Variants in ZFHX3 observed in about 807,000 individuals in gnomAD.
ZFHX3 encodes zinc finger homeobox 3.
In ZFHX3, 42 loss-of-function variants were observed where a neutral mutation model predicts 279.1. That is an observed-to-expected ratio of 0.15 (90% confidence interval 0.12 to 0.19). The LOEUF (loss-of-function observed/expected upper bound fraction) is 0.19. Ranked by LOEUF, ZFHX3 falls within the 10% of genes least tolerant of loss-of-function variation. The probability of loss-of-function intolerance (pLI) is 1.00; values close to 1 mark genes in which losing one functional copy is unlikely to be tolerated. For synonymous variants in ZFHX3, 2,293 were observed against 1,957.8 expected (o/e 1.17, Z -4.52); for missense variants, 4,981 against 4,754.0 (o/e 1.05, Z -1.40).
At chr16:73,249,949 C>G (rs947341075) in intron 5 of ZFHX3, among the ~76,000 whole-genome samples, 4 of 152,156 alleles carry the variant, frequency 2.6e-5, no homozygotes, top group Non-Finnish European at 5.9e-5. Flanking sequence ...ATTGAAGTCT[C>G]ACAATAACAA....
chr16:73,385,959 T>A (rs1348089460), intron 3 of ZFHX3, among the ~76,000 whole-genome samples: 2 of 151,726 alleles, frequency 1.3e-5, no homozygotes, highest in South Asian at 4.2e-4. Flanking sequence ...CCCAGTGGAA[T>A]GTTTCACTTG....
chr16:73,187,492 A>C (rs1301404046), intron 5 of ZFHX3, among the ~76,000 whole-genome samples: 1 of 152,138 alleles, frequency 6.6e-6, no homozygotes, highest in African/African-American at 2.4e-5. Context: ...TGCCGAGATG[A>C]GATAATGTTT....
chr16:73,107,611 C>T (rs1191171336), intron 7 of ZFHX3, among the ~76,000 whole-genome samples: 3 of 152,184 alleles, frequency 2.0e-5, no homozygotes, highest in Admixed American at 6.5e-5. Context: ...TGTTCTGTAG[C>T]GTAGCTCCTA....
intron 3 of ZFHX3, among the ~76,000 whole-genome samples, chr16:73,396,948 T>C (rs1368562257): frequency 1.3e-5 from 2 of 152,162 alleles, no homozygotes; most frequent in Non-Finnish European, 2.9e-5. Flanking sequence ...GCCAACTACT[T>C]CTCCGCCCAG....
intron 7 of ZFHX3, chr16:73,127,516 A>G (rs1370626319): frequency 7.7e-7 from 1 of 1,305,520 alleles, no homozygotes; most frequent in Non-Finnish European, 1.0e-6. Context: ...GGGGAAGAAG[A>G]GAGCCCCTGA....
chr16:73,585,600 TAAAACA>T (rs935685831), intron 2 of ZFHX3, among the ~76,000 whole-genome samples: 5 of 151,858 alleles, frequency 3.3e-5, no homozygotes, highest in African/African-American at 9.7e-5. Context: ...TCCCAGAACT[TAAAACA>T]AAAACAAAAC....
At chr16:73,785,586 TC>T (rs1271178505) in intron 1 of ZFHX3, among the ~76,000 whole-genome samples, 1 of 152,168 alleles carries the variant, frequency 6.6e-6, no homozygotes, top group East Asian at 1.9e-4. Flanking sequence ...ACTCATGAGT[TC>T]TTTTTTTAGG....
chr16:73,870,229 G>A (rs1275762461), intron 1 of ZFHX3, among the ~76,000 whole-genome samples: 1 of 152,130 alleles, frequency 6.6e-6, no homozygotes, highest in East Asian at 1.9e-4. Flanking sequence ...GCAATTCAGG[G>A]ACCTCGAGAG....
At chr16:73,160,771 T>C (rs916734704) in intron 5 of ZFHX3, among the ~76,000 whole-genome samples, 14 of 148,694 alleles carry the variant, frequency 9.4e-5, no homozygotes, top group South Asian at 4.2e-4. Context: ...TCTTTTCTCT[T>C]CTTTTTTTTT....
chr16:72,928,551 G>A (rs1959615957), intron 3 of ZFHX3, among the ~76,000 whole-genome samples: 1 of 152,114 alleles, frequency 6.6e-6, no homozygotes. Context: ...CTAGGCCCAA[G>A]CTCCACAGAT....
chr16:73,731,102 T>G (rs554578466), intron 1 of ZFHX3, among the ~76,000 whole-genome samples: 136 of 152,364 alleles, frequency 8.9e-4, no homozygotes, highest in African/African-American at 3.2e-3. Flanking sequence ...ATTCATATAT[T>G]GTTTATAAGG....
At chr16:73,587,559 C>CA (rs1233301160) in intron 2 of ZFHX3, among the ~76,000 whole-genome samples, 2 of 152,194 alleles carry the variant, frequency 1.3e-5, no homozygotes, top group Non-Finnish European at 2.9e-5. Flanking sequence ...AACACTCCAC[C>CA]ACACTCATCA....
At chr16:73,551,994 G>C (rs532891595) in intron 2 of ZFHX3, among the ~76,000 whole-genome samples, 1 of 152,244 alleles carries the variant, frequency 6.6e-6, no homozygotes, top group East Asian at 1.9e-4. Flanking sequence ...TTCTAGCATA[G>C]ATGTGTCTGT....
In ZFHX3 at chr16:72,786,304, C is replaced by G. The variant is rs1276169295; in HGVS notation, c.*860G>C. 3.3e-5 allele frequency: 5 copies of G among 149,926 alleles called. No homozygotes were observed. The highest frequency in any genetic ancestry group is 5.9e-5 in the Non-Finnish European group (4 of 67,618). 9.3% of individuals were successfully genotyped at this position (149,926 alleles called of 1,614,324 possible). A position where few individuals can be genotyped will look rare whatever the true frequency, so the allele number is the denominator to read the frequency against. ...TTCAGTTCATTTCCAATGCAACAAT[C>G]TACTCAACACCAAAAATGGTCATAT... On this transcript the variant is annotated 3_prime_UTR_variant, in exon 10 of 10. Transcript: ENST00000268489.
At chr16:73,500,282 T>A (rs573292081) in intron 2 of ZFHX3, 1 of 151,094 alleles carries the variant, frequency 6.6e-6, no homozygotes, top group Admixed American at 6.6e-5. Flanking sequence ...TCTAGGCTTA[T>A]GTGGTGTTTG....
chr16:73,211,985 C>T (rs1035088566), intron 5 of ZFHX3, among the ~76,000 whole-genome samples: 3 of 151,964 alleles, frequency 2.0e-5, no homozygotes, highest in East Asian at 1.9e-4. Flanking sequence ...ACAATGACAA[C>T]GAGAGGTTGA....
chr16:73,148,801 G>A lies in ZFHX3; in HGVS notation c.-1103-4970C>T, dbSNP rs1966881390. On this transcript the variant is annotated intron_variant, in intron 5 of 17. Coordinates refer to the ZFHX3 transcript ENST00000641206. ...GTTTCTAATAAAAATACAAAAATTA[G>A]TCAGGTGTGGTGCCATGAGCCTGTA... Among the ~76,000 whole-genome samples the A allele has an allele frequency of 2.0e-5, 3 of 151,374 alleles. No individual in the cohort carries two copies. In the South Asian group the frequency reaches 6.3e-4, roughly 32 times the overall value.
intron 2 of ZFHX3, among the ~76,000 whole-genome samples, chr16:73,559,943 A>G (rs1296876842): frequency 6.6e-6 from 1 of 152,234 alleles, no homozygotes; most frequent in East Asian, 1.9e-4. Context: ...ACATTTTATA[A>G]GACAAATATT....
At chr16:72,877,155 G>T (rs968482749) in intron 4 of ZFHX3, among the ~76,000 whole-genome samples, 4 of 152,160 alleles carry the variant, frequency 2.6e-5, no homozygotes, top group African/African-American at 9.7e-5. Context: ...TTCTGAGGAA[G>T]TCTTCAGATC....
Sources: allele counts gnomAD v4.1 joint callset (sites outside exome capture counted in the v4.1 genomes callset), GRCh38; gene constraint gnomAD v4.1.1; transcripts MANE v1.5; gene names NCBI Gene and HGNC (gene_info 2026-07-23, HGNC 2026-07-21).